Variants in N4BP2 observed in about 807,000 individuals in gnomAD.
N4BP2 encodes the protein NEDD4-binding protein 2.
Under a neutral mutation model 152.8 loss-of-function variants are expected in N4BP2, and 91 were observed. That is an observed-to-expected ratio of 0.60 (90% confidence interval 0.50 to 0.71). The LOEUF is 0.71. Ranked by LOEUF, N4BP2 falls within the 30% of genes least tolerant of loss-of-function variation. The probability of loss-of-function intolerance (pLI) is 0.00; values close to 1 mark genes in which losing one functional copy is unlikely to be tolerated. For missense variants in N4BP2, 1,923 were observed against 2,059.1 expected, an observed-to-expected ratio of 0.93 and a Z score of 1.28; for synonymous variants, 646 against 705.3, an observed-to-expected ratio of 0.92 and a Z score of 1.33.
intron 16 of N4BP2, among the ~76,000 whole-genome samples, chr4:40,148,506 G>A (rs543538514): frequency 1.3e-5 from 2 of 151,926 alleles, no homozygotes; most frequent in Non-Finnish European, 2.9e-5. Flanking sequence ...GAGGGAGTTC[G>A]GCTTTTTTAG....
intron 2 of N4BP2, among the ~76,000 whole-genome samples, chr4:40,092,007 ATTATATAT>A (rs1560584783): frequency 6.0e-5 from 2 of 33,312 alleles, no homozygotes; most frequent in African/African-American, 1.2e-4. Flanking sequence ...AAAAAAAAAA[ATTATATAT>A]ATATATATAT....
At position 40,109,407 on chromosome 4, in the gene N4BP2, G is replaced by A. The variant is rs1716646008; in HGVS notation, c.1498+2383G>A. On this transcript the variant is annotated intron_variant, in intron 5 of 17. Coordinates refer to ENST00000261435, the MANE Select transcript of N4BP2 (RefSeq NM_018177.6). ...CTTAACTCCCAGGATTGTTGTGAAA[G>A]TTAAATGAAGGTGAAAAGTGTTAAC... Among the ~76,000 whole-genome samples, 3 of 152,020 alleles carry A rather than the reference G, an allele frequency of 2.0e-5. No homozygotes were observed. In the South Asian group the frequency reaches 6.2e-4, roughly 32 times the overall value.
rs1721711654 is a variant in N4BP2 at position 40,157,683 on chromosome 4, G to A, written c.*3446G>A. 1 of 152,164 alleles carries A rather than the reference G, an allele frequency of 6.6e-6. No homozygotes were observed. The highest frequency in any genetic ancestry group is 2.4e-5 in the African/African-American group (1 of 41,442). 9.4% of individuals were successfully genotyped at this position (152,164 alleles called of 1,614,324 possible). On this transcript the variant is annotated 3_prime_UTR_variant, in exon 18 of 18. Coordinates refer to ENST00000261435, the MANE Select transcript of N4BP2 (RefSeq NM_018177.6). Reference sequence around the variant, plus strand: ...TGAGGTGAAGTTTGGTAATTTTTCGGTGTAGTAGTTAAATATTGCTCAATT... The same window carrying A: ...TGAGGTGAAGTTTGGTAATTTTTCGATGTAGTAGTTAAATATTGCTCAATT...
chr4:40,071,886 A>G (rs1443569055), intron 1 of N4BP2, among the ~76,000 whole-genome samples: 1 of 151,834 alleles, frequency 6.6e-6, no homozygotes, highest in Non-Finnish European at 1.5e-5. Context: ...TTTTTTAAAA[A>G]ACATTTTTAT....
chr4:40,171,587 T>TCCAA, the N4BP2 span, among the ~76,000 whole-genome samples: 8 of 152,192 alleles, frequency 5.3e-5, no homozygotes, highest in African/African-American at 1.9e-4. Flanking sequence ...GGAGGTATTC[T>TCCAA]TTACAGAAGT....
intron 16 of N4BP2, among the ~76,000 whole-genome samples, chr4:40,146,212 AC>A (rs977240330): frequency 1.3e-5 from 2 of 152,054 alleles, no homozygotes; most frequent in African/African-American, 2.4e-5. Context: ...ATAAGAAAAT[AC>A]AAGTTGTATT....
chr4:40,140,211 G>C (rs1719792055), intron 14 of N4BP2, among the ~76,000 whole-genome samples: 1 of 152,130 alleles, frequency 6.6e-6, no homozygotes, highest in Non-Finnish European at 1.5e-5. Context: ...TTGTCAGTTA[G>C]TTGGTATTTA....
intron 1 of N4BP2, among the ~76,000 whole-genome samples, chr4:40,059,551 T>C (rs572641382): frequency 6.6e-6 from 1 of 152,096 alleles, no homozygotes; most frequent in Admixed American, 6.5e-5. Context: ...GTTTTTGTCA[T>C]GTTGGTGAGG....
At chr4:40,091,329 GC>G (rs1327829056) in intron 2 of N4BP2, among the ~76,000 whole-genome samples, 4 of 151,806 alleles carry the variant, frequency 2.6e-5, no homozygotes, top group African/African-American at 9.7e-5. Flanking sequence ...TAGATATCTT[GC>G]CTTTTTCCTG....
chr4:40,187,353 CA>C, the N4BP2 span, among the ~76,000 whole-genome samples: 20,111 of 150,530 alleles, frequency 0.13, 1,570 homozygotes, highest in Non-Finnish European at 0.18. Context: ...GACATTTGTG[CA>C]AAAAAAAATT....
chr4:40,159,865 A>G (rs1248262073), downstream of N4BP2, among the ~76,000 whole-genome samples: 1 of 152,118 alleles, frequency 6.6e-6, no homozygotes, highest in Non-Finnish European at 1.5e-5. Flanking sequence ...AAAAAAAGGA[A>G]ATCACAGTTG....
chr4:40,099,643 G>A (rs1376128815), intron 3 of N4BP2, among the ~76,000 whole-genome samples: 3 of 151,780 alleles, frequency 2.0e-5, no homozygotes, highest in African/African-American at 7.3e-5. Context: ...GTACATGTTT[G>A]TTTATTCTTG....
At chr4:40,082,395 T>C (rs1040027372) in intron 2 of N4BP2, among the ~76,000 whole-genome samples, 1 of 152,034 alleles carries the variant, frequency 6.6e-6, no homozygotes, top group Non-Finnish European at 1.5e-5. Context: ...TGGGTTCAGC[T>C]TAATAATAGA....
chr4:40,123,240 T>G (rs771627750), intron 10 of N4BP2, 28 bp downstream of exon 10: 2 of 1,414,448 alleles, frequency 1.4e-6, no homozygotes, highest in African/African-American at 1.4e-5. Context: ...TATAAAGAGC[T>G]CCTTTTTTGT....
rs1348906649 is a variant in N4BP2 at position 40,102,738 on chromosome 4, C to T, written c.893C>T (p.Pro298Leu). 6.2e-7 allele frequency: 1 copy of T among 1,614,038 alleles called. No individual in the cohort carries two copies. Among genetic ancestry groups the T allele is most frequent in the Non-Finnish European group, 8.5e-7 (1 of 1,180,032 alleles). The change falls in exon 4 of 18, where the codon CCA (proline) becomes CTA (leucine). Residue 298 changes from proline to leucine, a missense_variant. Pro to Leu is a moderately conservative substitution (Grantham distance 98). Transcript: ENST00000261435. Reference protein sequence around the residue: ...ASEPQACLNLPGLDLPGTGGD... With the variant: ...ASEPQACLNLLGLDLPGTGGD... ...GAACCTCAGGCTTGTTTAAACCTTCCAGGGCTTGATTTACCAGGTACAGGT... is the reference window on the plus strand; with the variant it reads ...GAACCTCAGGCTTGTTTAAACCTTCTAGGGCTTGATTTACCAGGTACAGGT...
chr4:40,127,945 G>A (rs376374761), intron 12 of N4BP2, among the ~76,000 whole-genome samples: 3 of 152,310 alleles, frequency 2.0e-5, no homozygotes, highest in African/African-American at 7.2e-5. Context: ...ACAGGCGTGA[G>A]CCGCCATTCC....
intron 2 of N4BP2, among the ~76,000 whole-genome samples, chr4:40,082,042 G>A (rs1713424418): frequency 6.6e-6 from 1 of 152,054 alleles, no homozygotes; most frequent in Non-Finnish European, 1.5e-5. Context: ...AATCTGGGAG[G>A]CAGAGGTTGC....
At chr4:40,079,984 G>A (rs917799614) in intron 2 of N4BP2, among the ~76,000 whole-genome samples, 1 of 152,012 alleles carries the variant, frequency 6.6e-6, no homozygotes, top group African/African-American at 2.4e-5. Flanking sequence ...TTTTGAGGAT[G>A]GGAGGGGGGG....
the N4BP2 span, among the ~76,000 whole-genome samples, chr4:40,171,688 CAT>C: frequency 1.2e-3 from 181 of 152,208 alleles, no homozygotes; most frequent in South Asian, 4.8e-3. Flanking sequence ...AGTATTGACT[CAT>C]ATGATCACAA....
Sources: gnomAD v4.1 joint callset for allele counts (sites outside exome capture counted in the v4.1 genomes callset) on GRCh38, gnomAD v4.1.1 for gene constraint, MANE v1.5 for transcripts, NCBI Gene and HGNC (gene_info 2026-07-23, HGNC 2026-07-21) for gene names.